The following SLC38A1 variants were observed in gnomAD, a reference collection of about 807,000 sequenced individuals.
SLC38A1 encodes solute carrier family 38 member 1.
Under a neutral mutation model 60.3 loss-of-function variants are expected in SLC38A1, and 18 were observed. The ratio of observed to expected loss-of-function variants is 0.30; its 90% CI spans 0.21 to 0.44. The LOEUF (loss-of-function observed/expected upper bound fraction) is 0.44. Ranked by LOEUF, SLC38A1 falls within the 20% of genes least tolerant of loss-of-function variation. The pLI is 1.00. For missense variants in SLC38A1, 448 were observed against 587.2 expected (o/e 0.76, Z 2.45); for synonymous variants, 196 against 212.1 (o/e 0.92, Z 0.66).
chr12:46,241,190 C>T (rs1941434617), intron 2 of SLC38A1, among the ~76,000 whole-genome samples: 1 of 152,158 alleles, frequency 6.6e-6, no homozygotes, highest in Non-Finnish European at 1.5e-5. Context: ...TCCCCTTGGA[C>T]AATGTTTTGA....
At position 46,187,685 on chromosome 12, in the gene SLC38A1, CA is replaced by C. The variant is rs1284516221; in HGVS notation, c.*1284del. On this transcript the variant is annotated 3_prime_UTR_variant, in exon 17 of 17. Transcript: ENST00000398637. Reference sequence around the variant, plus strand: ...CTTGGTTGGGGAAGAGAAGAGGAGACAGCACAGACACTGAGACCCCCTTGTC... The same window carrying C: ...CTTGGTTGGGGAAGAGAAGAGGAGACGCACAGACACTGAGACCCCCTTGTC... 2.6e-5 allele frequency: 4 copies of C among 151,816 alleles called. No homozygotes were observed. The highest frequency in any genetic ancestry group is 9.7e-5 in the African/African-American group (4 of 41,272). The allele number at this position is 151,816 out of a possible 1,614,324, so 9.4% of individuals were successfully genotyped here.
chr12:46,189,093 G>C, intron 16 of SLC38A1, 22 bp from the exon 17 acceptor site: 1 of 1,605,008 alleles, frequency 6.2e-7, no homozygotes, highest in Non-Finnish European at 8.5e-7. Context: ...GAAAGGCAAG[G>C]GTTATTTTCA....
At chr12:46,249,254 G>T (rs1356321136) in intron 1 of SLC38A1, among the ~76,000 whole-genome samples, 1 of 151,186 alleles carries the variant, frequency 6.6e-6, no homozygotes, top group Non-Finnish European at 1.5e-5. Context: ...ATAACAAAAT[G>T]AAGGCACAAA....
At chr12:46,211,045 C>T (rs1213394010) in intron 5 of SLC38A1, among the ~76,000 whole-genome samples, 1 of 152,066 alleles carries the variant, frequency 6.6e-6, no homozygotes, top group African/African-American at 2.4e-5. Context: ...AGATATGGGA[C>T]CTAATTGTGG....
intron 1 of SLC38A1, among the ~76,000 whole-genome samples, chr12:46,252,512 A>G (rs1230559735): frequency 6.6e-6 from 1 of 151,906 alleles, no homozygotes; most frequent in African/African-American, 2.4e-5. Context: ...TAAAATATAT[A>G]TATTCATTCT....
At chr12:46,200,809 G>A (rs1362461445) in intron 13 of SLC38A1, among the ~76,000 whole-genome samples, 1 of 152,084 alleles carries the variant, frequency 6.6e-6, no homozygotes, top group African/African-American at 2.4e-5. Flanking sequence ...CTTCTCTGAT[G>A]TAGTTTTAAA....
intron 1 of SLC38A1, among the ~76,000 whole-genome samples, chr12:46,250,122 C>A (rs1015024037): frequency 6.6e-6 from 1 of 152,180 alleles, no homozygotes; most frequent in African/African-American, 2.4e-5. Context: ...AGGAGCACAT[C>A]AAAAGCCTTA....
At chr12:46,206,798 T>C (rs182581414) in intron 8 of SLC38A1, among the ~76,000 whole-genome samples, 1 of 152,328 alleles carries the variant, frequency 6.6e-6, no homozygotes, top group East Asian at 1.9e-4. Flanking sequence ...ATGTCCCTTC[T>C]TTAAGTAAGA....
intron 8 of SLC38A1, 122 bp downstream of exon 8, chr12:46,207,029 CAACA>C (rs992465744): frequency 3.1e-5 from 20 of 646,320 alleles, no homozygotes; most frequent in Middle Eastern, 4.4e-4. Flanking sequence ...ATTGTTGAAA[CAACA>C]AACAAACAAA....
At chr12:46,246,554 C>T (rs370307775) in intron 1 of SLC38A1, among the ~76,000 whole-genome samples, 12 of 152,268 alleles carry the variant, frequency 7.9e-5, no homozygotes, top group African/African-American at 2.9e-4. Context: ...CTTGCTGTCT[C>T]TATAGACCCC....
chr12:46,267,311 T>A (rs1942383185), intron 1 of SLC38A1: 1 of 152,180 alleles, frequency 6.6e-6, no homozygotes, highest in Non-Finnish European at 1.5e-5. Context: ...CTGGCGGCAG[T>A]TAGGTTTCTA....
chr12:46,200,982 A>C, intron 13 of SLC38A1, 116 bp downstream of exon 13: 1 of 741,800 alleles, frequency 1.3e-6, no homozygotes. Flanking sequence ...AACTAGAAAA[A>C]CCAATGGATA....
chr12:46,195,541 C>A (rs1329795473), intron 16 of SLC38A1, among the ~76,000 whole-genome samples: 1 of 152,208 alleles, frequency 6.6e-6, no homozygotes, highest in Non-Finnish European at 1.5e-5. Flanking sequence ...CCATGCCCTG[C>A]CTCCAGAGGT....
At position 46,187,971 on chromosome 12, in the gene SLC38A1, A is replaced by C. The variant is rs572971899; in HGVS notation, c.*999T>G. On this transcript the variant is annotated 3_prime_UTR_variant, in exon 17 of 17. Transcript: ENST00000398637. ...GAGTTACTTATCCTAGATCATCCTT[A>C]GTTAGGTACACATGATTCTCTGTGC... The C allele has an allele frequency of 5.9e-5, 9 of 152,282 alleles. No homozygotes were observed. In the South Asian group the frequency reaches 1.9e-3, roughly 32 times the overall value. The allele number at this position is 152,282 out of a possible 1,614,324, so 9.4% of individuals were successfully genotyped here. A position where few individuals can be genotyped will look rare whatever the true frequency, so the allele number is the denominator to read the frequency against.
chr12:46,248,100 A>G (rs1334927030), intron 1 of SLC38A1, among the ~76,000 whole-genome samples: 3 of 152,224 alleles, frequency 2.0e-5, no homozygotes, highest in African/African-American at 7.2e-5. Context: ...TGTAAAGACC[A>G]TCGATGCTGT....
In SLC38A1 at chr12:46,189,037, G is replaced by A. The variant is rs145483756; in HGVS notation, c.1397C>T (p.Ser466Phe). The change falls in exon 17 of 17, where the codon TCC becomes TTC. Residue 466 changes from serine (S) to phenylalanine (F), a missense_variant. Ser to Phe is a radical substitution (Grantham distance 155, BLOSUM62 -2). Around this residue, in one of 2 missense-constraint regions of SLC38A1, gnomAD observed 346 missense variants for 497.5 expected, o/e 0.70. Transcript: ENST00000398637. ...ALFLGLGVLFSLVSIPLVIYD... is the reference protein window; with the variant it reads ...ALFLGLGVLFFLVSIPLVIYD... ...GATGACCAAGGGAATGCTGACCAAG[G>A]AGAACAACACCCCCAGGCCCAAGAA... is the stretch of plus-strand genomic sequence containing the variant. 6.2e-7 allele frequency: 1 copy of A among 1,613,726 alleles called. No individual in the cohort carries two copies.
intron 5 of SLC38A1, among the ~76,000 whole-genome samples, chr12:46,226,440 G>A (rs1431554168): frequency 6.6e-6 from 1 of 151,810 alleles, no homozygotes; most frequent in African/African-American, 2.4e-5. Flanking sequence ...ATTCAATAAA[G>A]AGGGGAAAAA....
intron 5 of SLC38A1, among the ~76,000 whole-genome samples, chr12:46,225,049 G>T (rs1348018673): frequency 6.6e-6 from 1 of 152,088 alleles, no homozygotes; most frequent in African/African-American, 2.4e-5. Flanking sequence ...TGATATCCCA[G>T]TAAAAAGATT....
chr12:46,261,104 A>G (rs1942182978), intron 1 of SLC38A1, among the ~76,000 whole-genome samples: 1 of 152,174 alleles, frequency 6.6e-6, no homozygotes, highest in South Asian at 2.1e-4. Flanking sequence ...CTGATCCTGG[A>G]CACACCCTCT....
Sources: gnomAD v4.1 joint callset for allele counts (sites outside exome capture counted in the v4.1 genomes callset) on GRCh38, gnomAD v4.1.1 for gene constraint, gnomAD v4.1.1 regional missense constraint, MANE v1.5 for transcripts, NCBI Gene and HGNC (gene_info 2026-07-23, HGNC 2026-07-21) for gene names.